Variants in ZFHX3 observed in about 807,000 individuals in gnomAD.
ZFHX3 encodes zinc finger homeobox 3.
ZFHX3 carries 42 observed loss-of-function variants against 279.1 expected under a neutral mutation model. The ratio of observed to expected loss-of-function variants is 0.15; its 90% CI spans 0.12 to 0.19. ZFHX3 has a LOEUF of 0.19. Ranked by LOEUF, ZFHX3 falls within the 10% of genes least tolerant of loss-of-function variation. The probability of loss-of-function intolerance (pLI) is 1.00; values close to 1 mark genes in which losing one functional copy is unlikely to be tolerated. For synonymous variants in ZFHX3, 2,293 were observed against 1,957.8 expected, an observed-to-expected ratio of 1.17 and a Z score of -4.52; for missense variants, 4,981 against 4,754.0, an observed-to-expected ratio of 1.05 and a Z score of -1.40.
At chr16:73,427,866 C>T (rs1454578217) in intron 3 of ZFHX3, among the ~76,000 whole-genome samples, 1 of 152,084 alleles carries the variant, frequency 6.6e-6, no homozygotes, top group East Asian at 1.9e-4. Flanking sequence ...TCACTGGAAC[C>T]CGGGAGGCAG....
intron 5 of ZFHX3, among the ~76,000 whole-genome samples, chr16:73,240,015 C>T (rs920123995): frequency 9.6e-5 from 14 of 145,680 alleles, no homozygotes; most frequent in Non-Finnish European, 1.8e-4. Flanking sequence ...ATTTAAGAAC[C>T]TTATTTTGTG....
chr16:72,969,240 T>C (rs1044953988), intron 1 of ZFHX3, among the ~76,000 whole-genome samples: 1 of 152,126 alleles, frequency 6.6e-6, no homozygotes, highest in Non-Finnish European at 1.5e-5. Context: ...GCTGTGAGGC[T>C]GGACAGAGAG....
chr16:73,580,227 C>G (rs1251148153), intron 2 of ZFHX3, among the ~76,000 whole-genome samples: 2 of 151,776 alleles, frequency 1.3e-5, no homozygotes, highest in South Asian at 2.1e-4. Flanking sequence ...TGCCTGTAAT[C>G]CCAGCACTCT....
At chr16:73,790,567 C>T (rs1476962291) in intron 1 of ZFHX3, among the ~76,000 whole-genome samples, 1 of 152,192 alleles carries the variant, frequency 6.6e-6, no homozygotes, top group African/African-American at 2.4e-5. Flanking sequence ...AAGTAACTTT[C>T]TTCCTTTTAT....
At chr16:73,393,891 T>C (rs2017071751) in intron 3 of ZFHX3, among the ~76,000 whole-genome samples, 1 of 148,386 alleles carries the variant, frequency 6.7e-6, no homozygotes, top group Non-Finnish European at 1.5e-5. Context: ...ATCTCATGTA[T>C]ATCATATATG....
chr16:72,865,879 TC>T (rs2038008152), intron 4 of ZFHX3, among the ~76,000 whole-genome samples: 1 of 151,788 alleles, frequency 6.6e-6, no homozygotes, highest in African/African-American at 2.4e-5. Context: ...GGAGTAGGGC[TC>T]CCCTTGCCCT....
rs375183040 is a variant in ZFHX3, at chr16:73,507,549, A to G, written c.-1546-51291T>C. ...CTCACTCTGTTTCCCAGGCTGGAGT[A>G]CAGTGGTGCAGTCATGGCTCACTGC... On this transcript the variant is annotated intron_variant, in intron 2 of 17. Transcript: ENST00000641206. 1.3e-3 allele frequency among the ~76,000 whole-genome samples: 177 copies of G among 132,180 alleles called. 1 individual carries two copies. The highest frequency in any genetic ancestry group is 0.011 in the South Asian group (47 of 4,174). The allele number at this position is 132,180 out of a possible 152,430, so 86.7% of individuals were successfully genotyped here. A position where few individuals can be genotyped will look rare whatever the true frequency, so the allele number is the denominator to read the frequency against.
chr16:73,604,162 T>C (rs1199440039), intron 2 of ZFHX3, among the ~76,000 whole-genome samples: 1 of 151,998 alleles, frequency 6.6e-6, no homozygotes, highest in South Asian at 2.1e-4. Context: ...TAGATAGATA[T>C]AGATATATTA....
chr16:73,177,173 GCCAACCAACCAACCAA>G (rs10616305), intron 5 of ZFHX3, among the ~76,000 whole-genome samples: 2 of 151,654 alleles, frequency 1.3e-5, no homozygotes, highest in East Asian at 1.9e-4. Context: ...CAACCAACCA[GCCAACCAACCAACCAA>G]CCAACCAAAT....
chr16:73,075,860 G>A (rs1339730283), intron 8 of ZFHX3, among the ~76,000 whole-genome samples: 1 of 152,104 alleles, frequency 6.6e-6, no homozygotes, highest in Non-Finnish European at 1.5e-5. Flanking sequence ...TCGAACTCCT[G>A]ACCTCGTGAT....
At chr16:73,659,553 G>A (rs1252392437) in intron 2 of ZFHX3, among the ~76,000 whole-genome samples, 1 of 152,054 alleles carries the variant, frequency 6.6e-6, no homozygotes, top group Non-Finnish European at 1.5e-5. Context: ...AATGTCCCTG[G>A]GGAGGTGGCT....
intron 1 of ZFHX3, among the ~76,000 whole-genome samples, chr16:73,727,587 T>A (rs116177108): frequency 8.8e-4 from 134 of 152,316 alleles, no homozygotes; most frequent in African/African-American, 3.0e-3. Flanking sequence ...TAATCAGAGT[T>A]GCAGCAAGTA....
chr16:73,318,892 T>C (rs2015512254), intron 3 of ZFHX3, among the ~76,000 whole-genome samples: 1 of 152,242 alleles, frequency 6.6e-6, no homozygotes, highest in South Asian at 2.1e-4. Flanking sequence ...GAAAGTGTCC[T>C]ATGCTATTTG....
At chr16:73,513,287 T>C (rs77900686) in intron 2 of ZFHX3, among the ~76,000 whole-genome samples, 57 of 152,262 alleles carry the variant, frequency 3.7e-4, no homozygotes, top group African/African-American at 1.3e-3. Context: ...AGCCCTTGAG[T>C]CATAAAGTTG....
At chr16:73,555,666 A>G (rs899972713) in intron 2 of ZFHX3, among the ~76,000 whole-genome samples, 2 of 151,748 alleles carry the variant, frequency 1.3e-5, no homozygotes, top group African/African-American at 4.8e-5. Context: ...CCCCATCTCT[A>G]CTAAAAATAT....
chr16:72,797,864 G>A lies in ZFHX3; in HGVS notation c.4818C>T (p.Ser1606=). The A allele has an allele frequency of 6.2e-7, 1 of 1,614,152 alleles. No homozygotes were observed. Among genetic ancestry groups the A allele is most frequent in the Non-Finnish European group, 8.5e-7 (1 of 1,180,042 alleles). Residue 1606 remains serine, a synonymous_variant, in exon 9 of 10, where the codon AGC becomes AGT. Coordinates refer to ENST00000268489, the MANE Select transcript of ZFHX3 (RefSeq NM_006885.4). ...TATGGATCTCCAGAGTGGAACTCTG[G>A]CTGTAGGCCACATTACAAGTGTTAC... ...FKCNTCNVAY[S]QSSTLEIHMR...
chr16:73,741,431 G>T (rs1210364859), intron 1 of ZFHX3, among the ~76,000 whole-genome samples: 1 of 152,168 alleles, frequency 6.6e-6, no homozygotes, highest in African/African-American at 2.4e-5. Flanking sequence ...CAGGTCTACA[G>T]TTTCTCTCAC....
At chr16:72,922,850 T>A (rs2039616619) in intron 3 of ZFHX3, among the ~76,000 whole-genome samples, 1 of 152,206 alleles carries the variant, frequency 6.6e-6, no homozygotes, top group African/African-American at 2.4e-5. Context: ...GGTCTGAGGC[T>A]GATACCTGTC....
chr16:73,046,968 G>A (rs956070291), intron 1 of ZFHX3, among the ~76,000 whole-genome samples: 4 of 152,142 alleles, frequency 2.6e-5, no homozygotes, highest in African/African-American at 9.6e-5. Context: ...TAACACAGGA[G>A]GTACCACTGT....
Sources: allele counts gnomAD v4.1 joint callset (sites outside exome capture counted in the v4.1 genomes callset), GRCh38; gene constraint gnomAD v4.1.1; transcripts MANE v1.5; gene names NCBI Gene and HGNC (gene_info 2026-07-23, HGNC 2026-07-21).